The following GLIS3 variants were observed in gnomAD, a reference collection of about 807,000 sequenced individuals.
GLIS3 encodes the protein zinc finger protein GLIS3.
In GLIS3, 53 loss-of-function variants were observed where a neutral mutation model predicts 78.6. That is an observed-to-expected ratio of 0.67 (90% CI 0.54 to 0.85). GLIS3 has a LOEUF of 0.85. Ranked by LOEUF, GLIS3 falls within the 40% of genes least tolerant of loss-of-function variation. GLIS3 has a pLI of 0.00. For synonymous variants in GLIS3, 684 were observed against 509.9 expected, an observed-to-expected ratio of 1.34 and a Z score of -4.60; for missense variants, 1,703 against 1,231.1, an observed-to-expected ratio of 1.38 and a Z score of -5.74.
At chr9:4,008,945 T>C (rs1200191438) in intron 4 of GLIS3, among the ~76,000 whole-genome samples, 2 of 152,048 alleles carry the variant, frequency 1.3e-5, no homozygotes. Flanking sequence ...CCTAGGGCTC[T>C]TTCCACTACA....
intron 2 of GLIS3, among the ~76,000 whole-genome samples, chr9:4,257,946 A>G (rs563724614): frequency 6.6e-6 from 1 of 152,302 alleles, no homozygotes; most frequent in Admixed American, 6.5e-5. Flanking sequence ...AAAAATACAC[A>G]TTTATATCTA....
intron 4 of GLIS3, among the ~76,000 whole-genome samples, chr9:4,010,878 G>A (rs569982637): frequency 9.9e-5 from 15 of 152,268 alleles, no homozygotes; most frequent in Admixed American, 3.9e-4. Context: ...AAGTCCTACC[G>A]TTAGGAAAAT....
At chr9:4,295,194 T>C (rs920878632) in intron 1 of GLIS3, among the ~76,000 whole-genome samples, 5 of 152,068 alleles carry the variant, frequency 3.3e-5, no homozygotes, top group African/African-American at 1.2e-4. Flanking sequence ...TTTTTTTTTA[T>C]TATGGGGGTT....
upstream of GLIS3, among the ~76,000 whole-genome samples, chr9:4,302,720 C>T (rs1587371589): frequency 6.6e-6 from 1 of 152,176 alleles, no homozygotes; most frequent in Admixed American, 6.5e-5. Context: ...TACTGTACTA[C>T]AGAATAATTG....
At chr9:4,131,513 T>C (rs2130937823) in intron 2 of GLIS3, among the ~76,000 whole-genome samples, 1 of 152,270 alleles carries the variant, frequency 6.6e-6, no homozygotes, top group Admixed American at 6.5e-5. Flanking sequence ...TATTCTCGTG[T>C]TAGAGTTCCC....
intron 4 of GLIS3, among the ~76,000 whole-genome samples, chr9:4,105,644 A>AT (rs1419039308): frequency 6.6e-6 from 1 of 152,058 alleles, no homozygotes; most frequent in Admixed American, 6.5e-5. Context: ...AGTGACATTC[A>AT]TTTTTTCCGA....
intron 2 of GLIS3, among the ~76,000 whole-genome samples, chr9:4,214,327 G>C (rs947151575): frequency 6.6e-6 from 1 of 152,238 alleles, no homozygotes; most frequent in South Asian, 2.1e-4. Flanking sequence ...GGCCCCAGCA[G>C]GCGGAGAATT....
At chr9:4,471,979 T>G in the GLIS3 span, among the ~76,000 whole-genome samples, 1 of 152,104 alleles carries the variant, frequency 6.6e-6, no homozygotes, top group Non-Finnish European at 1.5e-5. Context: ...AAGAAGACAT[T>G]TATGCAGCCA....
At chr9:4,057,515 G>A (rs571398882) in intron 4 of GLIS3, among the ~76,000 whole-genome samples, 30 of 151,898 alleles carry the variant, frequency 2.0e-4, no homozygotes, top group African/African-American at 7.2e-4. Flanking sequence ...TTCATTTCCT[G>A]GAAAAAGCTT....
the GLIS3 span, among the ~76,000 whole-genome samples, chr9:4,371,533 G>C: frequency 9.8e-3 from 1,489 of 152,212 alleles, 37 homozygotes; most frequent in African/African-American, 0.033. Flanking sequence ...GATGGTTTTC[G>C]CTGCCTAGAC....
chr9:3,992,620 C>G (rs1283605113), intron 4 of GLIS3, among the ~76,000 whole-genome samples: 1 of 152,164 alleles, frequency 6.6e-6, no homozygotes, highest in Non-Finnish European at 1.5e-5. Context: ...AGTATTAAAG[C>G]TGGATGATGG....
At chr9:4,296,611 C>A (rs906172073) in intron 1 of GLIS3, among the ~76,000 whole-genome samples, 1 of 152,112 alleles carries the variant, frequency 6.6e-6, no homozygotes, top group Non-Finnish European at 1.5e-5. Flanking sequence ...AGGGGATCAA[C>A]GATGCTGTCC....
intron 2 of GLIS3, among the ~76,000 whole-genome samples, chr9:4,161,259 C>T (rs1168216678): frequency 6.6e-6 from 1 of 151,854 alleles, no homozygotes; most frequent in East Asian, 1.9e-4. Context: ...GGAGACAAAG[C>T]GAGACCCTGT....
At chr9:4,344,731 G>A (rs958968318) in intron 2 of GLIS3, among the ~76,000 whole-genome samples, 1 of 152,152 alleles carries the variant, frequency 6.6e-6, no homozygotes, top group Admixed American at 6.6e-5. Context: ...CATATCCACA[G>A]CTGAATTTTC....
At chr9:4,349,931 A>C (rs1817943281), upstream of GLIS3, among the ~76,000 whole-genome samples, 1 of 152,206 alleles carries the variant, frequency 6.6e-6, no homozygotes, top group Non-Finnish European at 1.5e-5. Context: ...TCCTGGCAAG[A>C]GTGAGATAAT....
intron 2 of GLIS3, among the ~76,000 whole-genome samples, chr9:4,226,280 T>C (rs546742618): frequency 1.3e-5 from 2 of 152,202 alleles, no homozygotes; most frequent in South Asian, 2.1e-4. Flanking sequence ...TATTTAGATA[T>C]AGCCTGCATT....
At chr9:4,350,210 T>C (rs551695546), upstream of GLIS3, among the ~76,000 whole-genome samples, 112 of 152,302 alleles carry the variant, frequency 7.4e-4, no homozygotes, top group Non-Finnish European at 1.4e-3. Flanking sequence ...CACCACCGCA[T>C]GGCCATGTTT....
chr9:4,455,764 G>C, the GLIS3 span, among the ~76,000 whole-genome samples: 1 of 152,124 alleles, frequency 6.6e-6, no homozygotes, highest in Non-Finnish European at 1.5e-5. Flanking sequence ...AGAATAAAAA[G>C]AATATTGCAA....
chr9:4,144,403 G>T (rs1385282624), intron 2 of GLIS3, among the ~76,000 whole-genome samples: 1 of 152,194 alleles, frequency 6.6e-6, no homozygotes, highest in African/African-American at 2.4e-5. Flanking sequence ...GGGAAAAAAA[G>T]GCCAGGTATC....
Sources: allele counts gnomAD v4.1 joint callset (sites outside exome capture counted in the v4.1 genomes callset), GRCh38; gene constraint gnomAD v4.1.1; transcripts MANE v1.5; gene names NCBI Gene and HGNC (gene_info 2026-07-23, HGNC 2026-07-21).